SYT1: variants seen among roughly 807,000 people sequenced by gnomAD.
SYT1 encodes the protein synaptotagmin-1.
In SYT1, 8 loss-of-function variants were observed where a neutral mutation model predicts 44.8. The ratio of observed to expected loss-of-function variants is 0.18; its 90% CI spans 0.10 to 0.32. The LOEUF (loss-of-function observed/expected upper bound fraction) is 0.32, where lower values mean the gene tolerates loss of function less well. Ranked by LOEUF, SYT1 falls within the 10% of genes least tolerant of loss-of-function variation. The probability of loss-of-function intolerance (pLI) is 1.00; values close to 1 mark genes in which losing one functional copy is unlikely to be tolerated. For missense variants in SYT1, 286 were observed against 509.3 expected, an observed-to-expected ratio of 0.56 and a Z score of 4.22; for synonymous variants, 154 against 188.8, an observed-to-expected ratio of 0.82 and a Z score of 1.51.
intron 3 of SYT1, among the ~76,000 whole-genome samples, chr12:79,132,552 G>A (rs1031443263): frequency 2.0e-5 from 3 of 151,640 alleles, no homozygotes; most frequent in African/African-American, 4.8e-5. Context: ...ATCTTAACCC[G>A]GTTAGGATGT....
chr12:78,972,942 A>G (rs1014093416), intron 1 of SYT1, among the ~76,000 whole-genome samples: 4 of 152,138 alleles, frequency 2.6e-5, no homozygotes. Flanking sequence ...AAATAATTGA[A>G]TCTTACTCTA....
chr12:79,208,330 TTATTCTCC>T (rs1874246565), intron 3 of SYT1, among the ~76,000 whole-genome samples: 1 of 152,196 alleles, frequency 6.6e-6, no homozygotes, highest in African/African-American at 2.4e-5. Context: ...AATTGATGTC[TTATTCTCC>T]TATTCTCCAA....
At chr12:79,319,388 A>G (rs997839132) in intron 8 of SYT1, among the ~76,000 whole-genome samples, 1 of 152,196 alleles carries the variant, frequency 6.6e-6, no homozygotes, top group African/African-American at 2.4e-5. Context: ...TGAAACTCAG[A>G]GAAGTTGGAA....
At chr12:79,074,637 G>A (rs986509858) in intron 3 of SYT1, among the ~76,000 whole-genome samples, 3 of 152,102 alleles carry the variant, frequency 2.0e-5, no homozygotes, top group Non-Finnish European at 2.9e-5. Context: ...TATGAACTGC[G>A]ACATCCTATG....
intron 3 of SYT1, among the ~76,000 whole-genome samples, chr12:79,146,879 C>T (rs1005941264): frequency 2.0e-5 from 3 of 151,958 alleles, no homozygotes; most frequent in Non-Finnish European, 4.4e-5. Context: ...CTCACTCTGT[C>T]GCCCAGGCTA....
chr12:78,998,641 T>G (rs1479816313), intron 2 of SYT1, among the ~76,000 whole-genome samples: 1 of 152,196 alleles, frequency 6.6e-6, no homozygotes, highest in African/African-American at 2.4e-5. Context: ...GAGTGGGGAC[T>G]CTCAAGTTAG....
At chr12:79,411,254 A>G (rs1348394260) in intron 9 of SYT1, among the ~76,000 whole-genome samples, 1 of 152,168 alleles carries the variant, frequency 6.6e-6, no homozygotes, top group African/African-American at 2.4e-5. Context: ...CAGACAATGA[A>G]GAGAAAAAGG....
chr12:79,431,590 T>C (rs911264644), intron 9 of SYT1, among the ~76,000 whole-genome samples: 3 of 151,352 alleles, frequency 2.0e-5, no homozygotes, highest in African/African-American at 4.9e-5. Flanking sequence ...CAGGCTGGAG[T>C]TGGAGTGCAA....
chr12:78,997,814 C>G (rs562580148), intron 2 of SYT1, among the ~76,000 whole-genome samples: 1 of 152,230 alleles, frequency 6.6e-6, no homozygotes, highest in South Asian at 2.1e-4. Context: ...GAGGTATCCC[C>G]TCACCCAGCA....
At chr12:79,114,919 T>TAAA (rs1241487991) in intron 3 of SYT1, among the ~76,000 whole-genome samples, 2 of 152,144 alleles carry the variant, frequency 1.3e-5, no homozygotes, top group Non-Finnish European at 2.9e-5. Context: ...TAAAATGTTT[T>TAAA]AAAAAATGAA....
At chr12:78,886,123 A>T (rs548168643) in intron 1 of SYT1, among the ~76,000 whole-genome samples, 2 of 152,058 alleles carry the variant, frequency 1.3e-5, no homozygotes, top group Admixed American at 6.6e-5. Flanking sequence ...CTAATTTATT[A>T]TCCTGGGGCA....
At chr12:79,205,251 C>T (rs987995059) in intron 3 of SYT1, among the ~76,000 whole-genome samples, 4 of 152,028 alleles carry the variant, frequency 2.6e-5, no homozygotes, top group Non-Finnish European at 2.9e-5. Flanking sequence ...CGTGAGCCAC[C>T]GCACCCGGCC....
intron 3 of SYT1, among the ~76,000 whole-genome samples, chr12:79,130,047 A>C (rs1376209761): frequency 1.3e-5 from 2 of 152,250 alleles, no homozygotes; most frequent in East Asian, 1.9e-4. Flanking sequence ...AAAAGCAAGT[A>C]AACTTTTTTC....
Position 78,973,938 on chromosome 12 carries a change from AATATATATATATATATATATAT to A in SYT1, c.-216-3832_-216-3811del, listed in dbSNP as rs869290804. 1.8e-3 allele frequency among the ~76,000 whole-genome samples: 45 copies of A among 25,332 alleles called. 6 individuals are homozygous for A. The highest frequency in any genetic ancestry group is 2.6e-3 in the Non-Finnish European group (40 of 15,424). The allele number at this position is 25,332 out of a possible 152,430, so 16.6% of individuals were successfully genotyped here. A position where few individuals can be genotyped will look rare whatever the true frequency, so the allele number is the denominator to read the frequency against. On this transcript the variant is annotated intron_variant, in intron 1 of 10. Coordinates refer to ENST00000261205, the MANE Select transcript of SYT1 (RefSeq NM_005639.3). ...CACCAAAAAAAAAAAAAAAAAAAAA[AATATATATATATATATATATAT>A]ATATATATATATATATATATATATA...
chr12:78,890,808 TC>T (rs1441345073), intron 1 of SYT1, among the ~76,000 whole-genome samples: 5 of 151,902 alleles, frequency 3.3e-5, no homozygotes, highest in Admixed American at 1.3e-4. Flanking sequence ...CAATCTACAA[TC>T]CGGAGTCTAT....
intron 3 of SYT1, among the ~76,000 whole-genome samples, chr12:79,056,195 T>G (rs967993002): frequency 6.6e-6 from 1 of 152,028 alleles, no homozygotes; most frequent in African/African-American, 2.4e-5. Flanking sequence ...TGTTGAGTGA[T>G]TCATAACTGT....
intron 3 of SYT1, among the ~76,000 whole-genome samples, chr12:79,194,580 G>C (rs879434267): frequency 1.3e-5 from 2 of 152,002 alleles, no homozygotes; most frequent in Non-Finnish European, 2.9e-5. Flanking sequence ...GACATGAAAG[G>C]ATTTTTATTT....
chr12:79,315,865 TAAGAC>T (rs370106607), intron 8 of SYT1, among the ~76,000 whole-genome samples: 28 of 152,288 alleles, frequency 1.8e-4, no homozygotes, highest in Non-Finnish European at 3.5e-4. Flanking sequence ...TACTCTCCCT[TAAGAC>T]AAGAAGTTTA....
intron 8 of SYT1, among the ~76,000 whole-genome samples, chr12:79,317,011 T>C (rs988653873): frequency 3.3e-5 from 5 of 152,214 alleles, no homozygotes; most frequent in African/African-American, 1.2e-4. Flanking sequence ...GTGTTTGAAA[T>C]TTAAAAGTTA....
Sources: gnomAD v4.1 joint callset for allele counts (sites outside exome capture counted in the v4.1 genomes callset) on GRCh38, gnomAD v4.1.1 for gene constraint, MANE v1.5 for transcripts, NCBI Gene and HGNC (gene_info 2026-07-23, HGNC 2026-07-21) for gene names.